Variants in AGMO observed in about 807,000 individuals in gnomAD.
AGMO encodes alkylglycerol monooxygenase.
Under a neutral mutation model 60.2 loss-of-function variants are expected in AGMO, and 75 were observed. The observed-to-expected ratio is 1.25, with a 90% confidence interval of 1.03 to 1.51. The LOEUF (loss-of-function observed/expected upper bound fraction) is 1.51, where lower values mean the gene tolerates loss of function less well. Ranked by LOEUF, AGMO falls within the 40% of genes most tolerant of loss-of-function variation. The pLI, the probability that AGMO is intolerant of heterozygous loss-of-function variation, is 0.00. For synonymous variants in AGMO, 261 were observed against 177.1 expected, an observed-to-expected ratio of 1.47 and a Z score of -3.76; for missense variants, 763 against 525.5, an observed-to-expected ratio of 1.45 and a Z score of -4.42.
chr7:15,248,140 A>G (rs34590743), intron 12 of AGMO, among the ~76,000 whole-genome samples: 39,338 of 126,830 alleles, frequency 0.31, 7,635 homozygotes, highest in East Asian at 0.5. Context: ...GAGTTTAAAC[A>G]TGTCATAAAG....
chr7:15,472,162 T>G (rs1782464801), intron 3 of AGMO, among the ~76,000 whole-genome samples: 1 of 151,884 alleles, frequency 6.6e-6, no homozygotes, highest in African/African-American at 2.4e-5. Context: ...ATGTATAAAC[T>G]TCACTCTACC....
intron 12 of AGMO, among the ~76,000 whole-genome samples, chr7:15,247,091 C>G (rs1317776057): frequency 6.6e-6 from 1 of 151,650 alleles, no homozygotes; most frequent in Non-Finnish European, 1.5e-5. Context: ...ATGCATGAGC[C>G]ACTGTGCCCA....
chr7:15,476,072 C>T (rs12531211), intron 3 of AGMO, among the ~76,000 whole-genome samples: 81 of 151,998 alleles, frequency 5.3e-4, no homozygotes, highest in Admixed American at 1.3e-3. Flanking sequence ...GATGAGTAAG[C>T]GACACACTGT....
chr7:15,517,669 G>A (rs957207912), intron 3 of AGMO, among the ~76,000 whole-genome samples: 1 of 152,078 alleles, frequency 6.6e-6, no homozygotes, highest in Admixed American at 6.5e-5. Context: ...TTCGCAACCC[G>A]CAGACCAGGA....
chr7:15,226,824 T>A (rs1782096980), intron 12 of AGMO, among the ~76,000 whole-genome samples: 1 of 152,108 alleles, frequency 6.6e-6, no homozygotes, highest in Non-Finnish European at 1.5e-5. Context: ...AGTCACTGTC[T>A]GAAGAATTTT....
intron 3 of AGMO, among the ~76,000 whole-genome samples, chr7:15,525,429 A>G (rs7809175): frequency 6.6e-6 from 1 of 151,780 alleles, no homozygotes; most frequent in Non-Finnish European, 1.5e-5. Flanking sequence ...TTACACTGCC[A>G]TGCTCACCTT....
intron 12 of AGMO, among the ~76,000 whole-genome samples, chr7:15,203,953 A>G (rs1781374811): frequency 6.6e-6 from 1 of 152,132 alleles, no homozygotes; most frequent in African/African-American, 2.4e-5. Context: ...GGCTTCTGAG[A>G]CCTTTTCACT....
intron 3 of AGMO, among the ~76,000 whole-genome samples, chr7:15,449,141 G>T (rs1781789325): frequency 6.6e-6 from 1 of 152,012 alleles, no homozygotes; most frequent in African/African-American, 2.4e-5. Context: ...CATACAAAAA[G>T]GTAAACAATA....
chr7:15,394,222 A>C (rs1481415641), intron 5 of AGMO, 43 bp from the exon 6 acceptor site: 1 of 1,346,032 alleles, frequency 7.4e-7, no homozygotes. Flanking sequence ...AGTTATCATT[A>C]AATGTGTGTT....
intron 12 of AGMO, among the ~76,000 whole-genome samples, chr7:15,237,554 A>C (rs946635300): frequency 1.3e-5 from 2 of 152,036 alleles, no homozygotes; most frequent in African/African-American, 4.8e-5. Context: ...ACAGAATTTA[A>C]AGTCTGTTTC....
the AGMO span, among the ~76,000 whole-genome samples, chr7:15,165,129 A>G: frequency 6.6e-6 from 1 of 152,204 alleles, no homozygotes; most frequent in African/African-American, 2.4e-5. Flanking sequence ...GAAATAATTC[A>G]AGATATAGAC....
chr7:15,166,413 G>T, the AGMO span, among the ~76,000 whole-genome samples: 2 of 152,130 alleles, frequency 1.3e-5, no homozygotes, highest in Non-Finnish European at 2.9e-5. Flanking sequence ...AGACCAGAGT[G>T]GGGAGGGAGA....
At chr7:15,460,676 C>A (rs964187281) in intron 3 of AGMO, among the ~76,000 whole-genome samples, 5 of 152,126 alleles carry the variant, frequency 3.3e-5, no homozygotes, top group African/African-American at 1.2e-4. Context: ...TTTTAACTCA[C>A]ATTGACATGA....
intron 4 of AGMO, among the ~76,000 whole-genome samples, chr7:15,423,331 C>G (rs1583536237): frequency 6.6e-6 from 1 of 152,226 alleles, no homozygotes; most frequent in Non-Finnish European, 1.5e-5. Flanking sequence ...GATCTCTGTC[C>G]TTAAGACATA....
the AGMO span, among the ~76,000 whole-genome samples, chr7:15,159,094 T>C: frequency 6.6e-6 from 1 of 152,126 alleles, no homozygotes; most frequent in East Asian, 1.9e-4. Flanking sequence ...TGTTTCTTGA[T>C]TATATTCTCT....
At chr7:15,169,434 TTTC>T in the AGMO span, among the ~76,000 whole-genome samples, 1 of 152,140 alleles carries the variant, frequency 6.6e-6, no homozygotes, top group East Asian at 1.9e-4. Context: ...TTTTCTTTTT[TTTC>T]TTTCTTTCTT....
chr7:15,154,480 T>C, the AGMO span, among the ~76,000 whole-genome samples: 26 of 152,282 alleles, frequency 1.7e-4, no homozygotes, highest in Non-Finnish European at 3.1e-4. Flanking sequence ...TCCATTTACT[T>C]TGAGCCTTTG....
chr7:15,198,652 G>T (rs1781198056), downstream of AGMO, among the ~76,000 whole-genome samples: 3 of 152,102 alleles, frequency 2.0e-5, no homozygotes, highest in African/African-American at 2.4e-5. Flanking sequence ...AGGATAATTT[G>T]GTGGGTAGGG....
Position 15,235,150 on chromosome 7 carries a change from C to T in AGMO, c.1264-33791G>A, listed in dbSNP as rs558888703. 2.4e-4 allele frequency among the ~76,000 whole-genome samples: 37 copies of T among 152,178 alleles called. No homozygotes were observed. In the South Asian group the frequency reaches 2.5e-3, roughly 10 times the overall value. ...AAGATCCTCCTCTGAGACTCTCCCCCGGGTCCTTTGAGTTGTGTTTTATCC... is the reference window on the plus strand; with the variant it reads ...AAGATCCTCCTCTGAGACTCTCCCCTGGGTCCTTTGAGTTGTGTTTTATCC... On this transcript the variant is annotated intron_variant, in intron 12 of 12. Coordinates refer to ENST00000342526, the MANE Select transcript of AGMO (RefSeq NM_001004320.2).
Sources: allele counts gnomAD v4.1 joint callset (sites outside exome capture counted in the v4.1 genomes callset), GRCh38; gene constraint gnomAD v4.1.1; transcripts MANE v1.5; gene names NCBI Gene and HGNC (gene_info 2026-07-23, HGNC 2026-07-21).